The following C12orf42 variants were observed in gnomAD, a reference collection of about 807,000 sequenced individuals.
The protein encoded by C12orf42 is uncharacterized protein C12orf42.
C12orf42 carries 25 observed loss-of-function variants against 21.6 expected under a neutral mutation model. The ratio of observed to expected loss-of-function variants is 1.16; its 90% CI spans 0.84 to 1.62. The LOEUF (loss-of-function observed/expected upper bound fraction) is 1.62. Ranked by LOEUF, C12orf42 falls within the 40% of genes most tolerant of loss-of-function variation. C12orf42 has a pLI of 0.00. For synonymous variants in C12orf42, 174 were observed against 175.0 expected (o/e 0.99, Z 0.05); for missense variants, 483 against 459.3 (o/e 1.05, Z -0.47).
chr12:103,087,105 T>C, the C12orf42 span, among the ~76,000 whole-genome samples: 2 of 152,222 alleles, frequency 1.3e-5, no homozygotes, highest in African/African-American at 4.8e-5. Flanking sequence ...TGTTTGTTTT[T>C]TTAGATTCAG....
intron 10 of C12orf42, among the ~76,000 whole-genome samples, chr12:103,256,111 T>TATATATATATATATAC (rs1439188517): frequency 3.0e-5 from 1 of 33,852 alleles, no homozygotes; most frequent in Non-Finnish European, 5.3e-5. Context: ...TATATATATA[T>TATATATATATATATAC]ACACACACAC....
intron 4 of C12orf42, among the ~76,000 whole-genome samples, chr12:103,294,470 G>GAAAT (rs1313280996): frequency 2.0e-5 from 2 of 101,890 alleles, no homozygotes; most frequent in Admixed American, 9.1e-5. Context: ...AAGAAAGAAA[G>GAAAT]AAATAAGCAA....
intron 1 of C12orf42, among the ~76,000 whole-genome samples, chr12:103,479,217 T>C (rs1241299600): frequency 6.6e-6 from 1 of 152,134 alleles, no homozygotes; most frequent in Admixed American, 6.6e-5. Context: ...AAAGACCTAA[T>C]CTCTAAGTCT....
rs138401977 is a variant in C12orf42 at position 103,450,503 on chromosome 12, T to C, written c.78+27846A>G. Among the ~76,000 whole-genome samples, 140 of 152,256 alleles carry C rather than the reference T, an allele frequency of 9.2e-4. 1 individual carries two copies. The highest frequency in any genetic ancestry group is 3.2e-3 in the African/African-American group (134 of 41,520). ...ATTGGTTTTGATATCAAGATTATCC[T>C]TGCATGACAAATAATTTGAGGTGAA... On this transcript the variant is annotated intron_variant, in intron 2 of 5. Coordinates refer to ENST00000548883, the MANE Select transcript of C12orf42 (RefSeq NM_198521.5).
the C12orf42 span, among the ~76,000 whole-genome samples, chr12:103,060,949 C>A: frequency 6.6e-6 from 1 of 152,134 alleles, no homozygotes; most frequent in Admixed American, 6.6e-5. Context: ...AAAGCAATTG[C>A]AACAAAAGCC....
intron 3 of C12orf42, among the ~76,000 whole-genome samples, chr12:103,374,426 G>A (rs2045520343): frequency 6.6e-6 from 1 of 152,134 alleles, no homozygotes; most frequent in Admixed American, 6.5e-5. Context: ...TGTGGCTGCT[G>A]CAGCTATTTC....
chr12:103,332,192 A>C (rs1335180241), intron 4 of C12orf42, among the ~76,000 whole-genome samples: 1 of 152,194 alleles, frequency 6.6e-6, no homozygotes, highest in African/African-American at 2.4e-5. Context: ...TGGACTTAGC[A>C]CTTGACACAC....
chr12:103,259,534 CT>C (rs1345670863), intron 10 of C12orf42, among the ~76,000 whole-genome samples: 1 of 152,226 alleles, frequency 6.6e-6, no homozygotes, highest in African/African-American at 2.4e-5. Context: ...CTGCCTCGGC[CT>C]CCCAAAGTGC....
chr12:103,537,797 C>T, the C12orf42 span, among the ~76,000 whole-genome samples: 6 of 152,184 alleles, frequency 3.9e-5, no homozygotes, highest in Non-Finnish European at 7.3e-5. Context: ...CCAGGTCTCC[C>T]CCAACTTAGG....
At chr12:103,387,891 C>A (rs1024848240) in intron 3 of C12orf42, among the ~76,000 whole-genome samples, 1 of 152,208 alleles carries the variant, frequency 6.6e-6, no homozygotes, top group Non-Finnish European at 1.5e-5. Flanking sequence ...ATATTCCCTT[C>A]CCTTTCCTCT....
intron 2 of C12orf42, among the ~76,000 whole-genome samples, chr12:103,458,479 C>A (rs1408640291): frequency 1.3e-5 from 2 of 152,074 alleles, no homozygotes; most frequent in Non-Finnish European, 2.9e-5. Context: ...ATGCTGGGCA[C>A]CTTACTTACT....
At chr12:103,523,920 T>A in the C12orf42 span, among the ~76,000 whole-genome samples, 1 of 152,248 alleles carries the variant, frequency 6.6e-6, no homozygotes, top group Admixed American at 6.5e-5. Flanking sequence ...CTGTGAGCCC[T>A]TCCTGTCGCC....
chr12:103,118,444 T>A, the C12orf42 span, among the ~76,000 whole-genome samples: 1 of 152,178 alleles, frequency 6.6e-6, no homozygotes, highest in East Asian at 1.9e-4. Flanking sequence ...TGGTCCAAGA[T>A]TCATATGGAC....
chr12:103,343,529 A>G (rs2042339250), intron 4 of C12orf42, among the ~76,000 whole-genome samples: 1 of 152,194 alleles, frequency 6.6e-6, no homozygotes, highest in Admixed American at 6.5e-5. Flanking sequence ...CTGTAATCCC[A>G]GCACTTTGGG....
the C12orf42 span, among the ~76,000 whole-genome samples, chr12:103,189,533 G>C: frequency 1.3e-5 from 2 of 152,192 alleles, no homozygotes; most frequent in South Asian, 4.1e-4. Flanking sequence ...AAGAGTGTAG[G>C]AAGGACAGTT....
intron 2 of C12orf42, among the ~76,000 whole-genome samples, chr12:103,472,671 A>G (rs1953721793): frequency 6.6e-6 from 1 of 152,228 alleles, no homozygotes; most frequent in Non-Finnish European, 1.5e-5. Flanking sequence ...AATAAGCCAA[A>G]GAATTGTGAG....
At chr12:103,385,321 G>A (rs183873535) in intron 3 of C12orf42, among the ~76,000 whole-genome samples, 24 of 152,246 alleles carry the variant, frequency 1.6e-4, no homozygotes, top group Admixed American at 8.5e-4. Flanking sequence ...TGTCCCCTTG[G>A]TGAATAGAAA....
At chr12:103,089,393 A>G in the C12orf42 span, among the ~76,000 whole-genome samples, 1 of 152,212 alleles carries the variant, frequency 6.6e-6, no homozygotes, top group East Asian at 1.9e-4. Flanking sequence ...AATGGCACTG[A>G]GTGACACAGA....
chr12:103,553,614 G>T, the C12orf42 span, among the ~76,000 whole-genome samples: 1 of 152,164 alleles, frequency 6.6e-6, no homozygotes, highest in African/African-American at 2.4e-5. Context: ...TCCAAAGTTC[G>T]TTAGAAATCG....
Sources: gnomAD v4.1 joint callset for allele counts (sites outside exome capture counted in the v4.1 genomes callset) on GRCh38, gnomAD v4.1.1 for gene constraint, MANE v1.5 for transcripts, NCBI Gene and HGNC (gene_info 2026-07-23, HGNC 2026-07-21) for gene names.